Variants in ZNF853 observed in about 807,000 individuals in gnomAD.
ZNF853 encodes the protein zinc finger protein 853.
Under a neutral mutation model 94.7 loss-of-function variants are expected in ZNF853, and 57 were observed. The observed-to-expected ratio is 0.60, with a 90% confidence interval of 0.49 to 0.75. The LOEUF is 0.75. ZNF853 is among the 30% of genes least tolerant of loss of function. ZNF853 has a pLI of 0.00. For missense variants in ZNF853, 785 were observed against 868.9 expected, an observed-to-expected ratio of 0.90 and a Z score of 1.21; for synonymous variants, 448 against 406.3, an observed-to-expected ratio of 1.10 and a Z score of -1.23.
chr7:6,615,939 A>C lies in ZNF853; in HGVS notation c.-236A>C. The C allele has an allele frequency of 4.7e-6, 2 of 422,920 alleles. No homozygotes were observed. Among genetic ancestry groups the C allele is most frequent in the Non-Finnish European group, 4.2e-6 (1 of 236,066 alleles). 26.2% of individuals were successfully genotyped at this position (422,920 alleles called of 1,614,324 possible). A position where few individuals can be genotyped will look rare whatever the true frequency, so the allele number is the denominator to read the frequency against. On this transcript the variant is annotated 5_prime_UTR_variant, in exon 1 of 3. Transcript: ENST00000457543. The surrounding 1 kb of genome is among the most constrained non-coding windows in gnomAD (Gnocchi z 8.5). ...CCCCAGCCCCCGCCGGAGAGTCTCC[A>C]CCAACTTCTGCTCGGCCGCTCCTCT...
In ZNF853 at chr7:6,623,633, T is replaced by C. The variant is rs1254911029; in HGVS notation, c.*662T>C. 2.6e-5 allele frequency: 8 copies of C among 309,196 alleles called. No homozygotes were observed. Among genetic ancestry groups the C allele is most frequent in the Non-Finnish European group, 4.7e-5 (8 of 170,312 alleles). The allele number at this position is 309,196 out of a possible 1,614,324, so 19.2% of individuals were successfully genotyped here. ...AGGAAGTCCTGCTCCGGGTGGAAGG[T>C]AAAACCTTCCCTCCAGGGAACCAGG... On this transcript the variant is annotated 3_prime_UTR_variant, in exon 3 of 3. Coordinates refer to ENST00000457543, the MANE Select transcript of ZNF853 (RefSeq NM_017560.3).
At chr7:6,621,089 TTCTC>T in intron 2 of ZNF853, 29 bp from the exon 3 acceptor site, 25 of 1,460,780 alleles carry the variant, frequency 1.7e-5, no homozygotes, top group Non-Finnish European at 2.2e-5. Context: ...CTGTAGATCT[TTCTC>T]TCTTGGCTTC....
intron 2 of ZNF853, among the ~76,000 whole-genome samples, chr7:6,619,311 CG>C: frequency 6.6e-6 from 1 of 151,802 alleles, no homozygotes; most frequent in Admixed American, 6.6e-5. Context: ...CTTGCTCTGT[CG>C]CTGGGCTGGA....
At position 6,622,061 on chromosome 7, in the gene ZNF853, T is replaced by C; in HGVS notation, c.1070T>C (p.Leu357Pro). Reference protein sequence around the residue: ...ELERQQEQRQLQLKLQEELQQ... With the variant: ...ELERQQEQRQPQLKLQEELQQ... ...GAACGGCAGCAGGAGCAGCGGCAGC[T>C]GCAGCTCAAACTGCAGGAGGAGCTG... is the stretch of plus-strand genomic sequence containing the variant. Residue 357 changes from leucine to proline, a missense_variant, in exon 3 of 3, where the codon CTG (leucine) becomes CCG (proline). Leu to Pro is a moderately conservative substitution (Grantham distance 98, BLOSUM62 -3). Transcript: ENST00000457543. The C allele has an allele frequency of 6.5e-7, 1 of 1,546,660 alleles. No homozygotes were observed. Among genetic ancestry groups the C allele is most frequent in the Non-Finnish European group, 8.7e-7 (1 of 1,146,170 alleles).
In ZNF853 at chr7:6,622,174, G is replaced by A. The variant is rs1339681764; in HGVS notation, c.1183G>A (p.Ala395Thr). The A allele has an allele frequency of 7.1e-6, 11 of 1,539,998 alleles. No individual in the cohort carries two copies. The South Asian group carries it at 8.3e-5, about 12-fold the overall frequency. Residue 395 changes from alanine (A) to threonine (T), a missense_variant, in exon 3 of 3, where the codon GCC becomes ACC. Transcript: ENST00000457543. ...QLELTPVELG[A>T]QQQEVQLELT... Reference sequence around the variant, plus strand: ...GGAGCTGACCCCGGTGGAGCTAGGCGCCCAGCAGCAGGAGGTGCAGCTGGA... The same window carrying A: ...GGAGCTGACCCCGGTGGAGCTAGGCACCCAGCAGCAGGAGGTGCAGCTGGA...
chr7:6,617,136 G>A, intron 1 of ZNF853, 54 bp from the exon 2 acceptor site: 4 of 1,435,196 alleles, frequency 2.8e-6, no homozygotes, highest in Non-Finnish European at 3.8e-6. Context: ...TGGGCACCTG[G>A]CGGGGGTCAA....
intron 2 of ZNF853, chr7:6,617,541 C>T: frequency 1.0e-6 from 1 of 962,660 alleles, no homozygotes; most frequent in Non-Finnish European, 1.2e-6. Context: ...ACTTAACACT[C>T]ACACGCGCTG....
rs1782643424 is a variant in ZNF853 at position 6,622,352 on chromosome 7, C to T, written c.1361C>T (p.Ala454Val). Residue 454 changes from alanine (A) to valine (V), a missense_variant, in exon 3 of 3, where the codon GCG becomes GTG. Physicochemically the swap from Ala to Val is moderately conservative, Grantham distance 64 (BLOSUM62 0). Transcript: ENST00000457543. Reference sequence around the variant, plus strand: ...CTCATGGTGCTGCCCGCCGTGGCAGCGCCGGCCGTGGTGGCCATCCCGGGC... The same window carrying T: ...CTCATGGTGCTGCCCGCCGTGGCAGTGCCGGCCGTGGTGGCCATCCCGGGC... ...QELMVLPAVA[A>V]PAVVAIPGPA... 3 of 1,448,174 alleles carry T rather than the reference C, an allele frequency of 2.1e-6. No homozygotes were observed. Among genetic ancestry groups the T allele is most frequent in the East Asian group, 3.0e-5 (1 of 33,458 alleles). 89.7% of individuals were successfully genotyped at this position (1,448,174 alleles called of 1,614,324 possible).
Position 6,622,930 on chromosome 7 carries a change from C to T in ZNF853, c.1939C>T (p.Gln647Ter). Reference protein sequence around the residue: ...AALGGPARAEQAATATAPADK... With the variant: ...AALGGPARAE Reference sequence around the variant, plus strand: ...CCTCGGTGGCCCAGCCCGCGCGGAGCAGGCCGCTACAGCCACTGCGCCCGC... The same window carrying T: ...CCTCGGTGGCCCAGCCCGCGCGGAGTAGGCCGCTACAGCCACTGCGCCCGC... Residue 647 changes from glutamine (Q) to a stop codon, truncating the protein, a stop_gained, in exon 3 of 3, where the codon CAG (glutamine) becomes TAG (stop). Transcript: ENST00000457543. LOFTEE classifies it high-confidence loss of function. 1 of 1,250,602 alleles carries T rather than the reference C, an allele frequency of 8.0e-7. No individual in the cohort carries two copies. Among genetic ancestry groups the T allele is most frequent in the South Asian group, 3.3e-5 (1 of 30,468 alleles). 77.5% of individuals were successfully genotyped at this position (1,250,602 alleles called of 1,614,324 possible). A position where few individuals can be genotyped will look rare whatever the true frequency, so the allele number is the denominator to read the frequency against.
intron 2 of ZNF853, 66 bp downstream of exon 2, chr7:6,617,373 A>C: frequency 7.8e-7 from 1 of 1,280,272 alleles, no homozygotes; most frequent in East Asian, 2.9e-5. Flanking sequence ...AAGAGGCTCA[A>C]GGGTGGCGGG....
rs886495879 is a variant in ZNF853 at position 6,623,712 on chromosome 7, G to T, written c.*741G>T. On this transcript the variant is annotated 3_prime_UTR_variant, in exon 3 of 3. Transcript: ENST00000457543. ...TTGGCCTCTGCTGCTGTGTCCCCCA[G>T]TCCCCCCAGCCCGCATTAATGTCCT... The T allele has an allele frequency of 2.6e-5, 5 of 191,074 alleles. No individual in the cohort carries two copies. The highest frequency in any genetic ancestry group is 4.3e-5 in the Non-Finnish European group (4 of 93,976). 11.8% of individuals were successfully genotyped at this position (191,074 alleles called of 1,614,324 possible).
chr7:6,621,699 G>A lies in ZNF853; in HGVS notation c.708G>A (p.Gln236=), dbSNP rs1275403284. 1 of 1,550,906 alleles carries A rather than the reference G, an allele frequency of 6.4e-7. No homozygotes were observed. The highest frequency in any genetic ancestry group is 8.7e-7 in the Non-Finnish European group (1 of 1,146,820). Residue 236 remains glutamine (Q), a synonymous_variant, in exon 3 of 3, where the codon CAG becomes CAA. Coordinates refer to ENST00000457543, the MANE Select transcript of ZNF853 (RefSeq NM_017560.3). ...QQFQQQQEQL[Q]QQQQLLLLQQ... Reference sequence around the variant, plus strand: ...TTCAACAGCAGCAGGAACAGTTACAGCAGCAGCAGCAGCTACTATTGCTGC... The same window carrying A: ...TTCAACAGCAGCAGGAACAGTTACAACAGCAGCAGCAGCTACTATTGCTGC...
Position 6,623,575 on chromosome 7 carries a change from A to T in ZNF853, c.*604A>T, listed in dbSNP as rs1424785636. 3 of 378,090 alleles carry T rather than the reference A, an allele frequency of 7.9e-6. No homozygotes were observed. The highest frequency in any genetic ancestry group is 4.1e-5 in the African/African-American group (2 of 48,204). 23.4% of individuals were successfully genotyped at this position (378,090 alleles called of 1,614,324 possible). ...CCTGTGTTCATCAACACAGGGTCAG[A>T]GCGCTCACCGGGTCGATGTGCAAAT... On this transcript the variant is annotated 3_prime_UTR_variant, in exon 3 of 3. Coordinates refer to ENST00000457543, the MANE Select transcript of ZNF853 (RefSeq NM_017560.3).
intron 2 of ZNF853, among the ~76,000 whole-genome samples, chr7:6,620,666 G>A: frequency 6.6e-6 from 1 of 151,922 alleles, no homozygotes; most frequent in Admixed American, 6.6e-5. Context: ...CTGTCACCCA[G>A]GCTGGAGCAC....
In ZNF853 at chr7:6,621,357, G is replaced by A. The variant is rs760031896; in HGVS notation, c.366G>A (p.Pro122=). The change falls in exon 3 of 3, where the codon CCG becomes CCA. Residue 122 remains proline (P), a synonymous_variant. Transcript: ENST00000457543. ...CACACCTAGAACTGCAACAGCAGCC[G>A]CAGCAAGATGGGCAACAACAGCTAT... ...PQPHLELQQQ[P]QQDGQQQLSQ... 135 of 1,551,616 alleles carry A rather than the reference G, an allele frequency of 8.7e-5. No homozygotes were observed. The highest frequency in any genetic ancestry group is 1.1e-4 in the Non-Finnish European group (121 of 1,147,008).
chr7:6,624,001 C>T lies in ZNF853; in HGVS notation c.*1030C>T, dbSNP rs187444869. ...GGGGCTGGGGAAAGAATATCTGAGA[C>T]GACGTTTGGGAGCAATGCTCTTTAC... On this transcript the variant is annotated 3_prime_UTR_variant, in exon 3 of 3. Transcript: ENST00000457543. The T allele has an allele frequency of 6.6e-6, 1 of 152,392 alleles. No homozygotes were observed. Among genetic ancestry groups the T allele is most frequent in the Non-Finnish European group, 1.5e-5 (1 of 68,076 alleles). The allele number at this position is 152,392 out of a possible 1,614,324, so 9.4% of individuals were successfully genotyped here. A position where few individuals can be genotyped will look rare whatever the true frequency, so the allele number is the denominator to read the frequency against.
rs543580034 is a variant in ZNF853 at position 6,623,079 on chromosome 7, T to C, written c.*108T>C. 4.9e-5 allele frequency: 48 copies of C among 987,966 alleles called. 1 individual carries two copies. In the South Asian group the frequency reaches 2.2e-3, roughly 45 times the overall value. 61.2% of individuals were successfully genotyped at this position (987,966 alleles called of 1,614,324 possible). A position where few individuals can be genotyped will look rare whatever the true frequency, so the allele number is the denominator to read the frequency against. ...CGCTGGAGGCGTCCTGGAATATCCC[T>C]GGAGTAAAAGGCTTCCACCATCATC... On this transcript the variant is annotated 3_prime_UTR_variant, in exon 3 of 3. Coordinates refer to ENST00000457543, the MANE Select transcript of ZNF853 (RefSeq NM_017560.3).
intron 2 of ZNF853, among the ~76,000 whole-genome samples, chr7:6,620,300 A>G: frequency 6.6e-6 from 1 of 152,172 alleles, no homozygotes; most frequent in South Asian, 2.1e-4. Context: ...GAGAAGGATA[A>G]TTTCATTTAT....
chr7:6,622,219 G>T lies in ZNF853; in HGVS notation c.1228G>T (p.Glu410Ter). The T allele has an allele frequency of 6.5e-7, 1 of 1,534,310 alleles. No homozygotes were observed. Among genetic ancestry groups the T allele is most frequent in the Non-Finnish European group, 8.7e-7 (1 of 1,144,556 alleles). The change falls in exon 3 of 3, where the codon GAG becomes TAG. Residue 410 changes from glutamate (E) to a stop codon, truncating the protein, a stop_gained. Coordinates refer to ENST00000457543, the MANE Select transcript of ZNF853 (RefSeq NM_017560.3). LOFTEE classifies it high-confidence loss of function. The stretch of plus-strand genomic sequence containing the variant: ...GCTGGAGCTGACCCCCGTGCAGCCG[G>T]AGCTGCAGCTGGAACTGGTGCCAGC... ...VQLELTPVQPELQLELVPAAG... is the reference protein window; with the variant it reads ...VQLELTPVQP
Sources: gnomAD v4.1 joint callset for allele counts (sites outside exome capture counted in the v4.1 genomes callset) on GRCh38, gnomAD v4.1.1 for gene constraint, Gnocchi (gnomAD v3.1) non-coding constraint, MANE v1.5 for transcripts, NCBI Gene and HGNC (gene_info 2026-07-23, HGNC 2026-07-21) for gene names.